MKX: variants seen among roughly 807,000 people sequenced by gnomAD.
MKX encodes the protein homeobox protein Mohawk.
Under a neutral mutation model 36.0 loss-of-function variants are expected in MKX, and 13 were observed. The ratio of observed to expected loss-of-function variants is 0.36; its 90% CI spans 0.24 to 0.57. The LOEUF (loss-of-function observed/expected upper bound fraction) is 0.57. MKX is among the 20% of genes least tolerant of loss of function. The probability of loss-of-function intolerance (pLI) is 0.79; values close to 1 mark genes in which losing one functional copy is unlikely to be tolerated. For synonymous variants in MKX, 176 were observed against 178.3 expected (o/e 0.99, Z 0.10); for missense variants, 458 against 456.4 (o/e 1.00, Z -0.03).
chr10:27,721,287 C>T (rs568086339), intron 5 of MKX, among the ~76,000 whole-genome samples: 10 of 151,808 alleles, frequency 6.6e-5, no homozygotes, highest in South Asian at 2.1e-4. Flanking sequence ...GTAGACATAC[C>T]CTGTCATACA....
At chr10:27,718,842 T>C (rs1489846919) in intron 5 of MKX, among the ~76,000 whole-genome samples, 1 of 152,184 alleles carries the variant, frequency 6.6e-6, no homozygotes, top group Non-Finnish European at 1.5e-5. Context: ...CATGTTTTTG[T>C]ACATGAAACC....
chr10:27,745,266 C>T (rs1260967887), intron 1 of MKX, among the ~76,000 whole-genome samples: 4 of 152,340 alleles, frequency 2.6e-5, no homozygotes, highest in African/African-American at 9.6e-5. Flanking sequence ...ACCCGGCGCG[C>T]TGTAGGTCTG....
intron 5 of MKX, among the ~76,000 whole-genome samples, chr10:27,727,115 T>C (rs1190071640): frequency 3.3e-5 from 5 of 152,222 alleles, no homozygotes; most frequent in African/African-American, 1.2e-4. Context: ...TCAGTGTTGC[T>C]ACATTTTTTA....
chr10:27,721,360 C>T (rs1471963805), intron 5 of MKX, among the ~76,000 whole-genome samples: 4 of 151,940 alleles, frequency 2.6e-5, no homozygotes, highest in Non-Finnish European at 4.4e-5. Context: ...CAATAGGAAA[C>T]ACATGGAACC....
intron 5 of MKX, among the ~76,000 whole-genome samples, chr10:27,726,129 A>G (rs1465538176): frequency 6.6e-6 from 1 of 152,198 alleles, no homozygotes; most frequent in Non-Finnish European, 1.5e-5. Context: ...TTGCTGATAA[A>G]TATCAGTAGA....
chr10:27,704,888 T>C (rs1208366458), intron 5 of MKX, among the ~76,000 whole-genome samples: 3 of 152,164 alleles, frequency 2.0e-5, no homozygotes, highest in South Asian at 2.1e-4. Flanking sequence ...AAAATCTTTA[T>C]TAAAATAAAT....
intron 5 of MKX, among the ~76,000 whole-genome samples, chr10:27,694,527 A>AAAAAAATACAT (rs547670335): frequency 8.7e-6 from 1 of 114,344 alleles, no homozygotes; most frequent in Admixed American, 1.0e-4. Flanking sequence ...AAAAAAAAAA[A>AAAAAAATACAT]ATATATATAT....
intron 5 of MKX, among the ~76,000 whole-genome samples, chr10:27,687,248 C>T (rs893307496): frequency 1.3e-5 from 2 of 152,192 alleles, no homozygotes; most frequent in Non-Finnish European, 2.9e-5. Context: ...TCGTGATCCA[C>T]CCGCCTCGCC....
chr10:27,714,349 T>A (rs996539372), intron 5 of MKX, among the ~76,000 whole-genome samples: 17 of 152,238 alleles, frequency 1.1e-4, no homozygotes, highest in Non-Finnish European at 1.9e-4. Context: ...AACCTTTGGC[T>A]TTAATGATAG....
chr10:27,701,425 T>A (rs983756925), intron 5 of MKX, among the ~76,000 whole-genome samples: 1 of 146,646 alleles, frequency 6.8e-6, no homozygotes, highest in African/African-American at 2.5e-5. Flanking sequence ...TTACTATAGA[T>A]AATATATATA....
intron 5 of MKX, among the ~76,000 whole-genome samples, chr10:27,677,129 CT>C: frequency 6.6e-6 from 1 of 152,262 alleles, no homozygotes; most frequent in South Asian, 2.1e-4. Flanking sequence ...GGGTAAGCCC[CT>C]CTTCATCATC....
At chr10:27,702,897 G>A (rs1836683437) in intron 5 of MKX, among the ~76,000 whole-genome samples, 1 of 152,106 alleles carries the variant, frequency 6.6e-6, no homozygotes, top group South Asian at 2.1e-4. Context: ...ACATGCCAGT[G>A]CACTCACTTC....
At chr10:27,682,043 C>T (rs1836263581) in intron 5 of MKX, among the ~76,000 whole-genome samples, 1 of 152,138 alleles carries the variant, frequency 6.6e-6, no homozygotes, top group South Asian at 2.1e-4. Context: ...CCCCTGAAGA[C>T]CTTCCAGTGG....
chr10:27,723,265 A>C (rs1205565119), intron 5 of MKX, among the ~76,000 whole-genome samples: 1 of 152,200 alleles, frequency 6.6e-6, no homozygotes, highest in Non-Finnish European at 1.5e-5. Flanking sequence ...AATATGAATT[A>C]GTGCCATATT....
intron 5 of MKX, among the ~76,000 whole-genome samples, 159 bp from the exon 6 acceptor site, chr10:27,675,713 C>CA (rs1480669640): frequency 2.0e-5 from 3 of 151,276 alleles, no homozygotes; most frequent in African/African-American, 7.3e-5. Context: ...TATTAAGATG[C>CA]AAAAAAAATT....
At chr10:27,687,556 A>G (rs1218771486) in intron 5 of MKX, among the ~76,000 whole-genome samples, 1 of 152,140 alleles carries the variant, frequency 6.6e-6, no homozygotes. Context: ...GGTAAAATGC[A>G]CAGCTCTTCT....
At chr10:27,727,012 T>C (rs1218574726) in intron 5 of MKX, among the ~76,000 whole-genome samples, 5 of 152,084 alleles carry the variant, frequency 3.3e-5, no homozygotes, top group Admixed American at 2.0e-4. Flanking sequence ...TTAATATATA[T>C]ATACAAGGCA....
At chr10:27,716,107 C>A (rs913003568) in intron 5 of MKX, among the ~76,000 whole-genome samples, 1 of 152,164 alleles carries the variant, frequency 6.6e-6, no homozygotes, top group Non-Finnish European at 1.5e-5. Flanking sequence ...TCTGTTCCCT[C>A]ATCCTTAAAA....
At chr10:27,717,776 G>A (rs1406188012) in intron 5 of MKX, among the ~76,000 whole-genome samples, 1 of 152,154 alleles carries the variant, frequency 6.6e-6, no homozygotes, top group Non-Finnish European at 1.5e-5. Context: ...TGTAAAACTC[G>A]ACCTCATCAG....
Sources: gnomAD v4.1 joint callset for allele counts (sites outside exome capture counted in the v4.1 genomes callset) on GRCh38, gnomAD v4.1.1 for gene constraint, MANE v1.5 for transcripts, NCBI Gene and HGNC (gene_info 2026-07-23, HGNC 2026-07-21) for gene names.